Variants in PLEKHM3 observed in about 807,000 individuals in gnomAD.
PLEKHM3 encodes the protein pleckstrin homology domain-containing family M member 3.
Under a neutral mutation model 81.8 loss-of-function variants are expected in PLEKHM3, and 45 were observed. The observed-to-expected ratio is 0.55, with a 90% CI of 0.43 to 0.71. The LOEUF is 0.71. Ranked by LOEUF, PLEKHM3 falls within the 30% of genes least tolerant of loss-of-function variation. The pLI is 0.00. For missense variants in PLEKHM3, 788 were observed against 924.3 expected, an observed-to-expected ratio of 0.85 and a Z score of 1.91; for synonymous variants, 352 against 356.4, an observed-to-expected ratio of 0.99 and a Z score of 0.14.
intron 3 of PLEKHM3, among the ~76,000 whole-genome samples, chr2:207,954,381 T>C (rs1003355574): frequency 6.6e-6 from 1 of 152,104 alleles, no homozygotes; most frequent in Non-Finnish European, 1.5e-5. Context: ...CACAACAATA[T>C]GGCAAATATT....
chr2:208,001,243 C>A lies in PLEKHM3; in HGVS notation c.397G>T (p.Val133Leu). Residue 133 changes from valine to leucine, a missense_variant, in exon 2 of 8, where the codon GTA (valine) becomes TTA (leucine). By Grantham distance (32) the Val-to-Leu change is conservative. Coordinates refer to ENST00000427836, the MANE Select transcript of PLEKHM3 (RefSeq NM_001080475.3). ...CQRRRDRPRS[V>L]NDLLDETSTF... ...GAGGTCTCATCCAGTAAGTCATTTA[C>A]AGAACGAGGCCGGTCCCTCCGACGC... 6.2e-7 allele frequency: 1 copy of A among 1,614,166 alleles called. No homozygotes were observed. The highest frequency in any genetic ancestry group is 8.5e-7 in the Non-Finnish European group (1 of 1,180,026).
intron 6 of PLEKHM3, 71 bp downstream of exon 6, chr2:207,908,443 A>G (rs1361733537): frequency 5.5e-6 from 8 of 1,443,794 alleles, no homozygotes; most frequent in Non-Finnish European, 6.7e-6. Context: ...AATACGGTGC[A>G]AAGACCAAAG....
At chr2:207,939,445 G>A in intron 4 of PLEKHM3, among the ~76,000 whole-genome samples, 1 of 152,300 alleles carries the variant, frequency 6.6e-6, no homozygotes, top group East Asian at 1.9e-4. Flanking sequence ...TATTAATGAA[G>A]AGATTGGTGC....
intron 2 of PLEKHM3, among the ~76,000 whole-genome samples, chr2:207,992,333 T>C (rs1232495236): frequency 1.3e-5 from 2 of 152,222 alleles, no homozygotes; most frequent in Non-Finnish European, 2.9e-5. Context: ...TCATCTATTA[T>C]GTTAAACTGT....
At chr2:207,961,631 T>C (rs1252927775) in intron 3 of PLEKHM3, among the ~76,000 whole-genome samples, 1 of 152,164 alleles carries the variant, frequency 6.6e-6, no homozygotes, top group Non-Finnish European at 1.5e-5. Context: ...AAGAAGGATA[T>C]CTGGGTTAGA....
intron 3 of PLEKHM3, among the ~76,000 whole-genome samples, chr2:207,960,216 T>C: frequency 6.6e-6 from 1 of 152,296 alleles, no homozygotes; most frequent in South Asian, 2.1e-4. Context: ...ACTGCTGAGT[T>C]AAGAAGAAGG....
intron 6 of PLEKHM3, among the ~76,000 whole-genome samples, chr2:207,902,198 T>C (rs1175464618): frequency 3.3e-5 from 5 of 152,204 alleles, no homozygotes; most frequent in African/African-American, 7.2e-5. Context: ...CACCTGTTAC[T>C]TCTTTGGTGA....
At chr2:207,925,821 C>T (rs894214819) in intron 5 of PLEKHM3, among the ~76,000 whole-genome samples, 12 of 152,296 alleles carry the variant, frequency 7.9e-5, no homozygotes, top group African/African-American at 2.6e-4. Flanking sequence ...GACACCCCAA[C>T]ACATCTTCTG....
chr2:207,879,103 T>G (rs920714717), intron 6 of PLEKHM3, among the ~76,000 whole-genome samples: 7 of 152,232 alleles, frequency 4.6e-5, no homozygotes, highest in African/African-American at 1.7e-4. Flanking sequence ...CTGTATTTCA[T>G]TCCAATTCTC....
chr2:207,853,352 G>C (rs2092422515), intron 7 of PLEKHM3, among the ~76,000 whole-genome samples: 1 of 151,832 alleles, frequency 6.6e-6, no homozygotes, highest in Non-Finnish European at 1.5e-5. Context: ...GGGAGGCAGA[G>C]GTTGCAGTGA....
chr2:207,959,531 TAC>T (rs1690659537), intron 3 of PLEKHM3, among the ~76,000 whole-genome samples: 1 of 152,198 alleles, frequency 6.6e-6, no homozygotes, highest in Non-Finnish European at 1.5e-5. Context: ...TTCTATCACA[TAC>T]AGTGTCCTAC....
In PLEKHM3 at chr2:207,828,217, A is replaced by G; in HGVS notation, c.*102T>C. 9.1e-7 allele frequency: 1 copy of G among 1,096,814 alleles called. No homozygotes were observed. Among genetic ancestry groups the G allele is most frequent in the Non-Finnish European group, 1.3e-6 (1 of 756,656 alleles). The allele number at this position is 1,096,814 out of a possible 1,614,324, so 67.9% of individuals were successfully genotyped here. A position where few individuals can be genotyped will look rare whatever the true frequency, so the allele number is the denominator to read the frequency against. On this transcript the variant is annotated 3_prime_UTR_variant, in exon 8 of 8. Transcript: ENST00000427836. Reference sequence around the variant, plus strand: ...ATATCTATATCTAGTTGAAGAGGATACATACTCTTCTTCCAAAGGGGTCTA... The same window carrying G: ...ATATCTATATCTAGTTGAAGAGGATGCATACTCTTCTTCCAAAGGGGTCTA...
At chr2:207,886,841 G>A (rs1574372179) in intron 6 of PLEKHM3, among the ~76,000 whole-genome samples, 1 of 152,192 alleles carries the variant, frequency 6.6e-6, no homozygotes, top group East Asian at 1.9e-4. Flanking sequence ...CATGGAATCA[G>A]AGGAATCCTC....
Position 207,884,094 on chromosome 2 carries a change from T to G in PLEKHM3, c.1951-22832A>C, listed in dbSNP as rs537164418. On this transcript the variant is annotated intron_variant, in intron 6 of 7. Coordinates refer to ENST00000427836, the MANE Select transcript of PLEKHM3 (RefSeq NM_001080475.3). ...TGGGAGGACTGCTTGAGCTCAGGAG[T>G]TCGAGACCACTCTGGGCAACATAGC... 6.3e-3 allele frequency among the ~76,000 whole-genome samples: 961 copies of G among 152,042 alleles called. 6 individuals are homozygous for G. Among genetic ancestry groups the G allele is most frequent in the Non-Finnish European group, 0.01 (694 of 67,948 alleles).
chr2:208,002,589 C>A (rs1692347735), intron 1 of PLEKHM3, among the ~76,000 whole-genome samples: 2 of 152,142 alleles, frequency 1.3e-5, no homozygotes, highest in Non-Finnish European at 2.9e-5. Context: ...GTCCAGTCTG[C>A]AGGGTGTCTA....
intron 3 of PLEKHM3, among the ~76,000 whole-genome samples, chr2:207,960,351 A>T (rs2105996019): frequency 6.6e-6 from 1 of 152,168 alleles, no homozygotes; most frequent in East Asian, 1.9e-4. Flanking sequence ...GCCTTCAGGA[A>T]GCAGGTTTCT....
rs1455327189 is a variant in PLEKHM3, at chr2:207,977,203, C to T, written c.994G>A (p.Asp332Asn). 1 of 1,614,038 alleles carries T rather than the reference C, an allele frequency of 6.2e-7. No homozygotes were observed. Among genetic ancestry groups the T allele is most frequent in the Non-Finnish European group, 8.5e-7 (1 of 1,180,012 alleles). ...TGGAAACTATGATTCTGTGTATAGT[C>T]ATCATGATGGCCAAGCCCTGGTGAG... is the stretch of plus-strand genomic sequence containing the variant. ...TISPGLGHHD[D>N]YTQNHSFQKK... is the part of the protein sequence containing the mutation. The change falls in exon 3 of 8, where the codon GAC becomes AAC. Residue 332 changes from aspartate to asparagine, a missense_variant. By Grantham distance (23) the Asp-to-Asn change is conservative. Transcript: ENST00000427836.
chr2:208,001,081 A>G lies in PLEKHM3; in HGVS notation c.559T>C (p.Ser187Pro). The stretch of plus-strand genomic sequence containing the variant: ...TTATTTGGTGAGGGCAACAGAAAAG[A>G]TGGCCTGGTGACATGCGGGCCTTGA... Reference protein sequence around the residue: ...LLQGPHVTRPSFLLPSPNKIE... With the variant: ...LLQGPHVTRPPFLLPSPNKIE... Residue 187 changes from serine to proline, a missense_variant, in exon 2 of 8, where the codon TCT becomes CCT. Coordinates refer to ENST00000427836, the MANE Select transcript of PLEKHM3 (RefSeq NM_001080475.3). 3 of 1,569,604 alleles carry G rather than the reference A, an allele frequency of 1.9e-6. No individual in the cohort carries two copies. Among genetic ancestry groups the G allele is most frequent in the Non-Finnish European group, 2.6e-6 (3 of 1,157,018 alleles).
At chr2:207,950,151 C>A (rs1285602604) in intron 3 of PLEKHM3, among the ~76,000 whole-genome samples, 1 of 152,206 alleles carries the variant, frequency 6.6e-6, no homozygotes, top group Admixed American at 6.5e-5. Context: ...AGCACATAAA[C>A]ACCTACCTTT....
Sources: gnomAD v4.1 joint callset for allele counts (sites outside exome capture counted in the v4.1 genomes callset) on GRCh38, gnomAD v4.1.1 for gene constraint, MANE v1.5 for transcripts, NCBI Gene and HGNC (gene_info 2026-07-23, HGNC 2026-07-21) for gene names.